ENAH: variants seen among roughly 807,000 people sequenced by gnomAD.
ENAH encodes protein enabled homolog.
Under a neutral mutation model 78.7 loss-of-function variants are expected in ENAH, and 23 were observed. The observed-to-expected ratio is 0.29, with a 90% CI of 0.21 to 0.41. The LOEUF (loss-of-function observed/expected upper bound fraction) is 0.41, where lower values mean the gene tolerates loss of function less well. Among genes scored for constraint, ENAH ranks in the 10% least tolerant of loss-of-function variants. The pLI is 1.00. For synonymous variants in ENAH, 226 were observed against 241.0 expected (o/e 0.94, Z 0.58); for missense variants, 544 against 691.0 (o/e 0.79, Z 2.39).
At chr1:225,589,150 G>C (rs1389453038) in intron 1 of ENAH, among the ~76,000 whole-genome samples, 1 of 152,130 alleles carries the variant, frequency 6.6e-6, no homozygotes, top group African/African-American at 2.4e-5. Flanking sequence ...GGGCAGCAGG[G>C]GAGGCAAAGC....
chr1:225,522,385 G>A (rs1275088896), intron 4 of ENAH, among the ~76,000 whole-genome samples: 1 of 152,122 alleles, frequency 6.6e-6, no homozygotes, highest in African/African-American at 2.4e-5. Context: ...AACAATGACT[G>A]CAAGAGAAAA....
intron 1 of ENAH, among the ~76,000 whole-genome samples, chr1:225,606,841 T>TA (rs2096958250): frequency 3.9e-5 from 2 of 51,920 alleles, no homozygotes; most frequent in African/African-American, 2.0e-4. Context: ...AGACTCTGTC[T>TA]CAAAAAAAAA....
At chr1:225,559,137 T>C (rs1201445645) in intron 2 of ENAH, among the ~76,000 whole-genome samples, 1 of 152,232 alleles carries the variant, frequency 6.6e-6, no homozygotes, top group African/African-American at 2.4e-5. Context: ...ATATGTGGCA[T>C]GTTCATCATT....
At chr1:225,570,499 G>C (rs1238320476) in intron 1 of ENAH, among the ~76,000 whole-genome samples, 1 of 151,560 alleles carries the variant, frequency 6.6e-6, no homozygotes, top group African/African-American at 2.4e-5. Context: ...TCCTAAGACA[G>C]CAAGGCCAAG....
intron 4 of ENAH, chr1:225,524,539 T>G: frequency 1.1e-6 from 1 of 892,760 alleles, no homozygotes; most frequent in Non-Finnish European, 1.3e-6. Context: ...ATGGATAAAA[T>G]GTAATAAGAC....
At chr1:225,549,462 C>T (rs2096631184) in intron 3 of ENAH, among the ~76,000 whole-genome samples, 1 of 152,150 alleles carries the variant, frequency 6.6e-6, no homozygotes, top group Admixed American at 6.5e-5. Flanking sequence ...TCCTTCCCGG[C>T]CTGCCCATTA....
At chr1:225,559,477 T>A (rs974594348) in intron 2 of ENAH, among the ~76,000 whole-genome samples, 2 of 152,204 alleles carry the variant, frequency 1.3e-5, no homozygotes, top group Non-Finnish European at 2.9e-5. Context: ...GCCTGTTCCA[T>A]CAGTTACTAA....
rs2096751652 is a variant in ENAH, at chr1:225,569,758, T to C, written c.6-2344A>G. On this transcript the variant is annotated intron_variant, in intron 1 of 13. Transcript: ENST00000366843. The stretch of plus-strand genomic sequence containing the variant: ...AATCTTCAAAATGAAATGTTAAACA[T>C]TTCCAATTCTAAACAAAGCTGAGAA... Among the ~76,000 whole-genome samples the C allele has an allele frequency of 1.3e-5, 2 of 152,170 alleles. 1 individual carries two copies. The highest frequency in any genetic ancestry group is 2.9e-5 in the Non-Finnish European group (2 of 68,030).
intron 1 of ENAH, among the ~76,000 whole-genome samples, chr1:225,637,334 A>G (rs1333923496): frequency 2.0e-5 from 3 of 152,128 alleles, no homozygotes; most frequent in African/African-American, 4.8e-5. Flanking sequence ...CAGCCTCCCG[A>G]GTAGCTGGGA....
At chr1:225,572,256 C>T (rs2096766782) in intron 1 of ENAH, among the ~76,000 whole-genome samples, 1 of 152,070 alleles carries the variant, frequency 6.6e-6, no homozygotes, top group Non-Finnish European at 1.5e-5. Context: ...AGGTGTGATG[C>T]ACAAAATAAA....
intron 3 of ENAH, among the ~76,000 whole-genome samples, chr1:225,545,334 T>TA (rs2096608135): frequency 6.6e-6 from 1 of 152,154 alleles, no homozygotes. Flanking sequence ...CCTCCTAAGT[T>TA]ATGGCAGTAG....
chr1:225,541,603 T>C (rs968350202), intron 3 of ENAH, among the ~76,000 whole-genome samples: 1 of 152,228 alleles, frequency 6.6e-6, no homozygotes, highest in Non-Finnish European at 1.5e-5. Context: ...ATGCTGTGCA[T>C]CTGTTCTTCA....
chr1:225,624,437 A>C (rs2148290268), intron 1 of ENAH, among the ~76,000 whole-genome samples: 1 of 152,252 alleles, frequency 6.6e-6, no homozygotes, highest in East Asian at 1.9e-4. Flanking sequence ...CAGCCTGGCC[A>C]ACATGGTGAA....
intron 1 of ENAH, among the ~76,000 whole-genome samples, chr1:225,641,112 C>T (rs1165568221): frequency 1.3e-5 from 2 of 151,908 alleles, no homozygotes; most frequent in Non-Finnish European, 2.9e-5. Context: ...ATCCACCCGC[C>T]TCAGCCTCCC....
At chr1:225,643,504 A>G (rs1000422263) in intron 1 of ENAH, among the ~76,000 whole-genome samples, 1 of 152,270 alleles carries the variant, frequency 6.6e-6, no homozygotes, top group East Asian at 1.9e-4. Context: ...AGATGTTCAC[A>G]GCAGTGTTTT....
At position 225,496,395 on chromosome 1, in the gene ENAH, T is replaced by C. The variant is rs1468554399; in HGVS notation, c.*1380A>G. The C allele has an allele frequency of 6.6e-6, 1 of 152,264 alleles. No individual in the cohort carries two copies. Among genetic ancestry groups the C allele is most frequent in the Non-Finnish European group, 1.5e-5 (1 of 68,048 alleles). The allele number at this position is 152,264 out of a possible 1,614,324, so 9.4% of individuals were successfully genotyped here. A position where few individuals can be genotyped will look rare whatever the true frequency, so the allele number is the denominator to read the frequency against. On this transcript the variant is annotated 3_prime_UTR_variant, in exon 14 of 14. Coordinates refer to ENST00000366843, the MANE Select transcript of ENAH (RefSeq NM_018212.6). ...TAAAAGAAAACTGCAGAACTCCTCATTGGTTTTCCTTTACCTAATGATTTC... is the reference window on the plus strand; with the variant it reads ...TAAAAGAAAACTGCAGAACTCCTCACTGGTTTTCCTTTACCTAATGATTTC...
intron 1 of ENAH, among the ~76,000 whole-genome samples, chr1:225,643,719 T>A (rs1406976524): frequency 2.0e-5 from 3 of 152,142 alleles, no homozygotes; most frequent in Non-Finnish European, 4.4e-5. Context: ...GAGGATGACT[T>A]GAGGCCAGGA....
chr1:225,600,403 T>TAA (rs796246028), intron 1 of ENAH, among the ~76,000 whole-genome samples: 101 of 152,084 alleles, frequency 6.6e-4, no homozygotes, highest in African/African-American at 2.2e-3. Flanking sequence ...TAGATGCAGC[T>TAA]AAAGTAATGT....
intron 1 of ENAH, among the ~76,000 whole-genome samples, chr1:225,576,390 G>C (rs2096788343): frequency 6.6e-6 from 1 of 151,892 alleles, no homozygotes. Flanking sequence ...ATTGATATGT[G>C]AGTATACAGA....
Sources: allele counts gnomAD v4.1 joint callset (sites outside exome capture counted in the v4.1 genomes callset), GRCh38; gene constraint gnomAD v4.1.1; transcripts MANE v1.5; gene names NCBI Gene and HGNC (gene_info 2026-07-23, HGNC 2026-07-21).